Variants in RBFOX1 observed in about 807,000 individuals in gnomAD.
RBFOX1 encodes RNA binding fox-1 homolog 1.
In RBFOX1, 8 loss-of-function variants were observed where a neutral mutation model predicts 57.7. That is an observed-to-expected ratio of 0.14 (90% CI 0.08 to 0.25). The LOEUF (loss-of-function observed/expected upper bound fraction) is 0.25, where lower values mean the gene tolerates loss of function less well. Ranked by LOEUF, RBFOX1 falls within the 10% of genes least tolerant of loss-of-function variation. The pLI is 1.00. For missense variants in RBFOX1, 611 were observed against 548.5 expected (o/e 1.11, Z -1.14); for synonymous variants, 326 against 222.4 (o/e 1.47, Z -4.15).
At chr16:7,368,608 G>A (rs919821452) in intron 4 of RBFOX1, among the ~76,000 whole-genome samples, 8 of 151,362 alleles carry the variant, frequency 5.3e-5, no homozygotes, top group Non-Finnish European at 1.2e-4. Context: ...GAAACCCCCT[G>A]TCTACTAAAA....
intron 3 of RBFOX1, among the ~76,000 whole-genome samples, chr16:5,611,868 C>T (rs1442656117): frequency 7.0e-6 from 1 of 143,554 alleles, no homozygotes; most frequent in East Asian, 2.1e-4. Flanking sequence ...TAGCTCATAT[C>T]TGTAATCCCT....
At chr16:6,432,443 G>A (rs1214978563) in intron 2 of RBFOX1, among the ~76,000 whole-genome samples, 3 of 151,774 alleles carry the variant, frequency 2.0e-5, no homozygotes, top group Admixed American at 6.6e-5. Flanking sequence ...AGGGCAAGGC[G>A]GGCGGATCAC....
At chr16:5,584,177 C>T (rs1012004425) in intron 2 of RBFOX1, among the ~76,000 whole-genome samples, 1 of 152,186 alleles carries the variant, frequency 6.6e-6, no homozygotes, top group Non-Finnish European at 1.5e-5. Context: ...TTAGTGTTCT[C>T]CCTTGTGATT....
intron 3 of RBFOX1, among the ~76,000 whole-genome samples, chr16:5,770,756 A>G (rs745500550): frequency 2.6e-5 from 4 of 152,152 alleles, no homozygotes; most frequent in Non-Finnish European, 4.4e-5. Flanking sequence ...TAAACACCTA[A>G]TGTACAATGA....
chr16:5,261,621 C>T (rs1204032822), intron 1 of RBFOX1, among the ~76,000 whole-genome samples: 1 of 148,664 alleles, frequency 6.7e-6, no homozygotes, highest in African/African-American at 2.5e-5. Context: ...GTGATCCCAG[C>T]TCACTGCAAG....
rs1490440278 is a variant in RBFOX1, at chr16:6,495,075, G to A, written c.-63-159528G>A. On this transcript the variant is annotated intron_variant, in intron 2 of 15. Coordinates refer to ENST00000550418, the MANE Select transcript of RBFOX1 (RefSeq NM_018723.4). ...GTAGTCGGTCTGGCTGGAGAACCCC[G>A]CATTTTAACCACTAATCAATGTCCC... Among the ~76,000 whole-genome samples, 6 of 152,174 alleles carry A rather than the reference G, an allele frequency of 3.9e-5. No homozygotes were observed. The East Asian group carries it at 9.7e-4, about 25-fold the overall frequency.
intron 2 of RBFOX1, among the ~76,000 whole-genome samples, chr16:5,560,496 C>T (rs888350644): frequency 2.0e-5 from 3 of 152,194 alleles, no homozygotes; most frequent in Non-Finnish European, 2.9e-5. Context: ...TCTCTGTAGA[C>T]TGTAAACTCT....
intron 3 of RBFOX1, among the ~76,000 whole-genome samples, chr16:6,865,415 C>T (rs2059749914): frequency 6.6e-6 from 1 of 151,942 alleles, no homozygotes; most frequent in Non-Finnish European, 1.5e-5. Context: ...CTAATTTTAC[C>T]AGTGTTTATC....
intron 3 of RBFOX1, among the ~76,000 whole-genome samples, chr16:6,756,913 T>G (rs1481937740): frequency 6.6e-6 from 1 of 152,020 alleles, no homozygotes; most frequent in Non-Finnish European, 1.5e-5. Context: ...GGATGGAGGT[T>G]GCAGTGAGCT....
intron 4 of RBFOX1, among the ~76,000 whole-genome samples, chr16:7,431,719 G>C (rs1416976142): frequency 1.3e-5 from 2 of 152,122 alleles, no homozygotes; most frequent in Admixed American, 1.3e-4. Context: ...CCTCTCCTTA[G>C]CCTCTGGCAA....
At chr16:6,959,169 G>C (rs1392596829) in intron 3 of RBFOX1, among the ~76,000 whole-genome samples, 1 of 151,986 alleles carries the variant, frequency 6.6e-6, no homozygotes, top group Non-Finnish European at 1.5e-5. Context: ...GGAAAGCCTG[G>C]GCCTTTTCAT....
intron 3 of RBFOX1, among the ~76,000 whole-genome samples, chr16:6,708,603 C>A (rs1481707680): frequency 1.3e-5 from 2 of 152,182 alleles, no homozygotes; most frequent in South Asian, 2.1e-4. Flanking sequence ...AAATAGAACA[C>A]CTTTTAAGCC....
In RBFOX1 at chr16:7,460,441, A is replaced by C. The variant is rs1039811828; in HGVS notation, c.28-57706A>C. Reference sequence around the variant, plus strand: ...TGTATATACATATGTGTGTGTATATATGTATGTGTGTATATACATATCTAA... The same window carrying C: ...TGTATATACATATGTGTGTGTATATCTGTATGTGTGTATATACATATCTAA... On this transcript the variant is annotated intron_variant, in intron 4 of 15. Coordinates refer to ENST00000550418, the MANE Select transcript of RBFOX1 (RefSeq NM_018723.4). Among the ~76,000 whole-genome samples the C allele has an allele frequency of 1.8e-4, 25 of 138,782 alleles. 1 individual carries two copies. The highest frequency in any genetic ancestry group is 1.5e-4 in the Non-Finnish European group (10 of 65,456). The allele number at this position is 138,782 out of a possible 152,430, so 91.0% of individuals were successfully genotyped here. A position where few individuals can be genotyped will look rare whatever the true frequency, so the allele number is the denominator to read the frequency against.
intron 2 of RBFOX1, among the ~76,000 whole-genome samples, chr16:6,431,635 T>C (rs2094088575): frequency 6.6e-6 from 1 of 152,116 alleles, no homozygotes; most frequent in Non-Finnish European, 1.5e-5. Context: ...GTGAATGGCA[T>C]GAGGTCTTGG....
intron 4 of RBFOX1, among the ~76,000 whole-genome samples, chr16:7,219,966 A>G (rs1299029553): frequency 2.6e-5 from 4 of 152,206 alleles, no homozygotes; most frequent in Non-Finnish European, 4.4e-5. Context: ...ATTCAAACCA[A>G]TTGAATCTGA....
intron 4 of RBFOX1, among the ~76,000 whole-genome samples, chr16:7,170,444 A>G (rs922121327): frequency 1.2e-4 from 18 of 151,798 alleles, no homozygotes; most frequent in Admixed American, 3.3e-4. Flanking sequence ...GCTAATTAAA[A>G]TTCTTTTTTT....
intron 1 of RBFOX1, chr16:6,093,059 C>T (rs2096199383): frequency 6.6e-6 from 1 of 152,196 alleles, no homozygotes; most frequent in East Asian, 1.9e-4. Context: ...ACCACTGACC[C>T]TAAAATAAAA....
intron 4 of RBFOX1, among the ~76,000 whole-genome samples, chr16:5,889,154 C>T (rs1349664688): frequency 6.6e-6 from 1 of 152,044 alleles, no homozygotes; most frequent in Non-Finnish European, 1.5e-5. Flanking sequence ...TAAATGTGTG[C>T]CATGGTGGTT....
intron 1 of RBFOX1, among the ~76,000 whole-genome samples, chr16:6,204,488 C>A (rs1180937935): frequency 1.3e-5 from 2 of 152,070 alleles, no homozygotes; most frequent in Non-Finnish European, 2.9e-5. Context: ...TAATGAAATC[C>A]ATCCCACCAA....
Sources: allele counts gnomAD v4.1 joint callset (sites outside exome capture counted in the v4.1 genomes callset), GRCh38; gene constraint gnomAD v4.1.1; transcripts MANE v1.5; gene names NCBI Gene and HGNC (gene_info 2026-07-23, HGNC 2026-07-21).